The following ABCA13 variants were observed in gnomAD, a reference collection of about 807,000 sequenced individuals.
ABCA13 encodes ATP-binding cassette sub-family A member 13.
ABCA13 carries 476 observed loss-of-function variants against 478.7 expected under a neutral mutation model. That is an observed-to-expected ratio of 0.99 (90% CI 0.92 to 1.07). ABCA13 has a LOEUF of 1.07. Among genes scored for constraint, ABCA13 ranks in the 50% least tolerant of loss-of-function variants. ABCA13 has a pLI of 0.00. For missense variants in ABCA13, 6,060 were observed against 5,910.6 expected (o/e 1.03, Z -0.83); for synonymous variants, 2,252 against 2,158.9 (o/e 1.04, Z -1.20).
At chr7:48,461,762 G>A (rs1460666598) in intron 43 of ABCA13, among the ~76,000 whole-genome samples, 1 of 152,062 alleles carries the variant, frequency 6.6e-6, no homozygotes, top group Non-Finnish European at 1.5e-5. Context: ...CCCTGATGAC[G>A]ACATTCTCAT....
chr7:48,530,537 C>T (rs1037166801), intron 55 of ABCA13, among the ~76,000 whole-genome samples: 2 of 151,966 alleles, frequency 1.3e-5, no homozygotes, highest in South Asian at 4.1e-4. Flanking sequence ...AATGGTAGAC[C>T]TACTTTTAGT....
intron 8 of ABCA13, 135 bp from the exon 9 acceptor site, chr7:48,239,106 A>T: frequency 1.1e-6 from 1 of 878,898 alleles, no homozygotes; most frequent in Non-Finnish European, 1.7e-6. Flanking sequence ...TAAATCACAT[A>T]GATATCATCA....
At chr7:48,404,214 C>T (rs1817980417) in intron 39 of ABCA13, 1 of 319,146 alleles carries the variant, frequency 3.1e-6, no homozygotes, top group African/African-American at 2.2e-5. Flanking sequence ...GGACAAGCCT[C>T]CCTTGTCTCA....
At chr7:48,294,960 A>G (rs921788447) in intron 20 of ABCA13, among the ~76,000 whole-genome samples, 11 of 152,192 alleles carry the variant, frequency 7.2e-5, no homozygotes, top group Non-Finnish European at 1.5e-4. Context: ...CTTTAGAAAC[A>G]TTTTGGCTGA....
In ABCA13 at chr7:48,317,040, A is replaced by AG. The variant is rs1251295032; in HGVS notation, c.9860-116dup. 83 of 1,283,400 alleles carry AG rather than the reference A, an allele frequency of 6.5e-5. No homozygotes were observed. The African/African-American group carries it at 1.2e-3, about 19-fold the overall frequency. 79.5% of individuals were successfully genotyped at this position (1,283,400 alleles called of 1,614,324 possible). Reference sequence around the variant, plus strand: ...CACTCCCAAAGTTCAGAGTGGTGTCAGAAAAAAATATGGCTGTCATTGAAA... The same window carrying AG: ...CACTCCCAAAGTTCAGAGTGGTGTCAGGAAAAAAATATGGCTGTCATTGAAA... On this transcript the variant is annotated intron_variant, in intron 26 of 61. Coordinates refer to ENST00000435803, the MANE Select transcript of ABCA13 (RefSeq NM_152701.5).
At chr7:48,321,507 C>A (rs1235256472) in intron 27 of ABCA13, among the ~76,000 whole-genome samples, 1 of 152,176 alleles carries the variant, frequency 6.6e-6, no homozygotes, top group Non-Finnish European at 1.5e-5. Context: ...GGGGGATAGT[C>A]CCTGTGTAGG....
At chr7:48,415,716 T>G (rs545880614) in intron 41 of ABCA13, among the ~76,000 whole-genome samples, 113 of 152,334 alleles carry the variant, frequency 7.4e-4, no homozygotes, top group African/African-American at 2.5e-3. Flanking sequence ...GCTTCAATAT[T>G]TTATGAATTT....
At chr7:48,357,367 C>T (rs1368099382) in intron 31 of ABCA13, among the ~76,000 whole-genome samples, 1 of 151,888 alleles carries the variant, frequency 6.6e-6, no homozygotes, top group African/African-American at 2.4e-5. Flanking sequence ...GCTGGAAGCC[C>T]CCTCTGTTGC....
intron 57 of ABCA13, 129 bp downstream of exon 57, chr7:48,587,417 G>T: frequency 9.3e-7 from 1 of 1,078,352 alleles, no homozygotes; most frequent in Non-Finnish European, 1.3e-6. Context: ...CTAGTAAACT[G>T]TTTTGCCATA....
chr7:48,240,101 C>CT, intron 9 of ABCA13, among the ~76,000 whole-genome samples: 1 of 152,360 alleles, frequency 6.6e-6, no homozygotes. Context: ...GAACACACCT[C>CT]TTTAACTTTG....
At chr7:48,250,024 A>G (rs1183228800) in intron 15 of ABCA13, among the ~76,000 whole-genome samples, 1 of 150,438 alleles carries the variant, frequency 6.6e-6, no homozygotes, top group Non-Finnish European at 1.5e-5. Flanking sequence ...TCAATTGGGT[A>G]TAAATCAGGA....
intron 40 of ABCA13, 100 bp downstream of exon 40, chr7:48,410,777 G>A: frequency 6.8e-7 from 1 of 1,480,276 alleles, no homozygotes; most frequent in Non-Finnish European, 9.2e-7. Context: ...CTCAGTGGAG[G>A]CCTTCTGTGC....
At chr7:48,344,903 A>G (rs1240461313) in intron 29 of ABCA13, among the ~76,000 whole-genome samples, 1 of 152,232 alleles carries the variant, frequency 6.6e-6, no homozygotes, top group Non-Finnish European at 1.5e-5. Context: ...ATTACCCAAC[A>G]AAGATATTGC....
chr7:48,599,870 A>T (rs1233787298), intron 58 of ABCA13, among the ~76,000 whole-genome samples: 3 of 152,222 alleles, frequency 2.0e-5, no homozygotes, highest in Admixed American at 6.5e-5. Flanking sequence ...AGAATTGTCT[A>T]TGCAAAGGAA....
intron 27 of ABCA13, among the ~76,000 whole-genome samples, chr7:48,333,336 A>C (rs903745041): frequency 6.6e-6 from 1 of 151,992 alleles, no homozygotes; most frequent in Admixed American, 6.6e-5. Flanking sequence ...ATTTTCTGCT[A>C]TTTTGTTTGC....
At position 48,466,977 on chromosome 7, in the gene ABCA13, C is replaced by T. The variant is rs1331693967; in HGVS notation, c.12837C>T (p.Asp4279=). The part of the protein sequence containing the change: ...YFFSSGGDNL[D]LTRVLLRKFR... The stretch of plus-strand genomic sequence containing the variant: ...GCAGCAGTGGGGGCGACAACTTGGA[C>T]CTCACCCGTGTGCTTCTGCGGAAGT... Residue 4279 remains aspartate (D), a synonymous_variant, in exon 44 of 62, where the codon GAC becomes GAT. Coordinates refer to ENST00000435803, the MANE Select transcript of ABCA13 (RefSeq NM_152701.5). The T allele has an allele frequency of 2.5e-6, 4 of 1,613,844 alleles. No individual in the cohort carries two copies. The highest frequency in any genetic ancestry group is 3.4e-6 in the Non-Finnish European group (4 of 1,179,900).
intron 52 of ABCA13, among the ~76,000 whole-genome samples, chr7:48,519,058 T>G (rs1288383232): frequency 6.6e-6 from 1 of 152,066 alleles, no homozygotes; most frequent in Non-Finnish European, 1.5e-5. Flanking sequence ...AGTGGGAATA[T>G]GCAGTGTTTG....
intron 59 of ABCA13, among the ~76,000 whole-genome samples, chr7:48,617,028 C>T (rs2131576047): frequency 6.6e-6 from 1 of 152,140 alleles, no homozygotes; most frequent in South Asian, 2.1e-4. Flanking sequence ...AGTCAGAAAA[C>T]AATTAAAAAG....
Position 48,372,463 on chromosome 7 carries a change from A to G in ABCA13, c.11099A>G (p.His3700Arg). 2 of 1,594,954 alleles carry G rather than the reference A, an allele frequency of 1.3e-6. No individual in the cohort carries two copies. Among genetic ancestry groups the G allele is most frequent in the South Asian group, 2.3e-5 (2 of 88,382 alleles). ...CCCTACATAGTTCTATTGGTTCTAC[A>G]TAACCAATTAAGTTTTGTTAATCAG... is the stretch of plus-strand genomic sequence containing the variant. Reference protein sequence around the residue: ...FLPYIVLLVLHNQLSFVNQTF... With the variant: ...FLPYIVLLVLRNQLSFVNQTF... The change falls in exon 33 of 62, where the codon CAT becomes CGT. Residue 3700 changes from histidine to arginine, a missense_variant. Around this residue, in one of 3 missense-constraint regions of ABCA13, gnomAD observed 4,423 missense variants for 4,309.1 expected, o/e 1.03. Coordinates refer to ENST00000435803, the MANE Select transcript of ABCA13 (RefSeq NM_152701.5).
Sources: allele counts gnomAD v4.1 joint callset (sites outside exome capture counted in the v4.1 genomes callset), GRCh38; gene constraint gnomAD v4.1.1; regional missense constraint gnomAD v4.1.1; transcripts MANE v1.5; gene names NCBI Gene and HGNC (gene_info 2026-07-23, HGNC 2026-07-21).